The following TAFA2 variants were observed in gnomAD, a reference collection of about 807,000 sequenced individuals.
TAFA2 encodes TAFA chemokine like family member 2.
TAFA2 carries 7 observed loss-of-function variants against 18.8 expected under a neutral mutation model. The ratio of observed to expected loss-of-function variants is 0.37; its 90% CI spans 0.21 to 0.70. TAFA2 has a LOEUF of 0.70. Ranked by LOEUF, TAFA2 falls within the 30% of genes least tolerant of loss-of-function variation. The pLI is 0.53. For synonymous variants in TAFA2, 60 were observed against 54.2 expected (o/e 1.11, Z -0.47); for missense variants, 122 against 158.1 (o/e 0.77, Z 1.23).
intron 1 of TAFA2, among the ~76,000 whole-genome samples, chr12:61,983,979 G>A (rs910862219): frequency 1.3e-5 from 2 of 152,044 alleles, no homozygotes; most frequent in Non-Finnish European, 2.9e-5. Flanking sequence ...CCCTGGCCTT[G>A]TTCAAGTATC....
intron 1 of TAFA2, among the ~76,000 whole-genome samples, chr12:62,247,138 TCCC>T (rs779595687): frequency 6.6e-6 from 1 of 152,180 alleles, no homozygotes; most frequent in Non-Finnish European, 1.5e-5. Context: ...CTGTATTATT[TCCC>T]CCTTCTACTC....
intron 1 of TAFA2, among the ~76,000 whole-genome samples, chr12:61,904,687 T>C (rs1024326028): frequency 6.6e-6 from 1 of 152,184 alleles, no homozygotes; most frequent in African/African-American, 2.4e-5. Flanking sequence ...TAATGGTCTA[T>C]GTGGGATTCC....
At chr12:61,961,981 T>A (rs753727986) in intron 1 of TAFA2, among the ~76,000 whole-genome samples, 1 of 152,028 alleles carries the variant, frequency 6.6e-6, no homozygotes, top group Non-Finnish European at 1.5e-5. Context: ...AGCAGAAAGC[T>A]TGGTTTTTCC....
At chr12:61,758,634 G>A (rs1045823997) in intron 2 of TAFA2, among the ~76,000 whole-genome samples, 28 of 152,028 alleles carry the variant, frequency 1.8e-4, no homozygotes, top group Non-Finnish European at 3.5e-4. Context: ...GTCTGAAATA[G>A]ATACCTAAGA....
At chr12:61,730,396 G>A (rs182296101) in intron 4 of TAFA2, among the ~76,000 whole-genome samples, 2 of 152,232 alleles carry the variant, frequency 1.3e-5, no homozygotes, top group East Asian at 1.9e-4. Flanking sequence ...CAGTAGTACA[G>A]GGGAGACAGA....
chr12:62,187,041 T>C (rs772255926), intron 1 of TAFA2, among the ~76,000 whole-genome samples: 1 of 152,166 alleles, frequency 6.6e-6, no homozygotes, highest in South Asian at 2.1e-4. Context: ...GGCAATTTTG[T>C]AGATACCATT....
At chr12:62,114,656 A>G (rs9739546) in intron 1 of TAFA2, among the ~76,000 whole-genome samples, 34,180 of 152,200 alleles carry the variant, frequency 0.22, 4,216 homozygotes, top group East Asian at 0.37. Flanking sequence ...ATATCCCAAT[A>G]CTGTGGAGCG....
chr12:61,916,146 C>A (rs1304100335), intron 1 of TAFA2, among the ~76,000 whole-genome samples: 1 of 152,096 alleles, frequency 6.6e-6, no homozygotes, highest in Non-Finnish European at 1.5e-5. Context: ...TCAATAGGTT[C>A]CAGTTGTCTG....
At chr12:61,908,131 T>A (rs1000485765) in intron 1 of TAFA2, among the ~76,000 whole-genome samples, 1 of 152,086 alleles carries the variant, frequency 6.6e-6, no homozygotes, top group African/African-American at 2.4e-5. Context: ...TGGGAAGGCA[T>A]AATTGGTTTT....
At chr12:61,940,220 T>C (rs1306056671) in intron 1 of TAFA2, among the ~76,000 whole-genome samples, 1 of 152,116 alleles carries the variant, frequency 6.6e-6, no homozygotes, top group Non-Finnish European at 1.5e-5. Flanking sequence ...TGCAATTGCA[T>C]AAGGTCCCAA....
intron 1 of TAFA2, among the ~76,000 whole-genome samples, chr12:62,256,563 G>T (rs142310814): frequency 3.2e-4 from 48 of 152,216 alleles, no homozygotes; most frequent in Admixed American, 1.4e-3. Context: ...AAAACGAATG[G>T]TCACAGAGAA....
chr12:62,039,566 A>C (rs1366180455), intron 1 of TAFA2, among the ~76,000 whole-genome samples: 1 of 152,168 alleles, frequency 6.6e-6, no homozygotes, highest in African/African-American at 2.4e-5. Flanking sequence ...TGGAGCTTAG[A>C]ATAGGACTTT....
At chr12:62,009,333 A>G (rs1021620805) in intron 1 of TAFA2, among the ~76,000 whole-genome samples, 3 of 152,146 alleles carry the variant, frequency 2.0e-5, no homozygotes, top group Admixed American at 1.3e-4. Flanking sequence ...AGAAAGCTCA[A>G]CTTTCTTAGA....
chr12:61,790,831 T>C (rs1360880973), intron 2 of TAFA2, among the ~76,000 whole-genome samples: 1 of 151,804 alleles, frequency 6.6e-6, no homozygotes, highest in African/African-American at 2.4e-5. Context: ...ATTAAAATAC[T>C]AACGGTGTTA....
intron 4 of TAFA2, among the ~76,000 whole-genome samples, chr12:61,723,540 G>A (rs1217674350): frequency 1.3e-5 from 2 of 152,150 alleles, no homozygotes; most frequent in Non-Finnish European, 2.9e-5. Flanking sequence ...ATTTTTCTAG[G>A]ATTATCCCTA....
chr12:61,753,570 T>C, intron 4 of TAFA2, 52 bp downstream of exon 4: 1 of 1,558,824 alleles, frequency 6.4e-7, no homozygotes, highest in Non-Finnish European at 8.8e-7. Context: ...ACAAGCTCCG[T>C]TCTCTATTAA....
chr12:61,882,813 C>A (rs1875206797), intron 1 of TAFA2, among the ~76,000 whole-genome samples: 1 of 152,114 alleles, frequency 6.6e-6, no homozygotes, highest in Non-Finnish European at 1.5e-5. Flanking sequence ...AAGACTTGGT[C>A]ACCTGTTTAG....
chr12:61,882,789 G>A (rs531931361), intron 1 of TAFA2, among the ~76,000 whole-genome samples: 20 of 152,092 alleles, frequency 1.3e-4, no homozygotes, highest in Non-Finnish European at 2.5e-4. Context: ...TTTGGAGTAA[G>A]AATACTTGGA....
intron 2 of TAFA2, among the ~76,000 whole-genome samples, chr12:61,775,535 G>T (rs1870220742): frequency 6.6e-6 from 1 of 151,822 alleles, no homozygotes; most frequent in South Asian, 2.1e-4. Context: ...AGTGAAAGAA[G>T]CCCAATCTGA....
Sources: gnomAD v4.1 joint callset for allele counts (sites outside exome capture counted in the v4.1 genomes callset) on GRCh38, gnomAD v4.1.1 for gene constraint, MANE v1.5 for transcripts, NCBI Gene and HGNC (gene_info 2026-07-23, HGNC 2026-07-21) for gene names.